C6orf62: variants seen among roughly 807,000 people sequenced by gnomAD.
C6orf62 encodes chromosome 6 open reading frame 62.
In C6orf62, 16 loss-of-function variants were observed where a neutral mutation model predicts 26.8. The ratio of observed to expected loss-of-function variants is 0.60; its 90% CI spans 0.40 to 0.91. The LOEUF is 0.91. Among genes scored for constraint, C6orf62 ranks in the 40% least tolerant of loss-of-function variants. C6orf62 has a pLI of 0.00. For missense variants in C6orf62, 192 were observed against 271.4 expected (o/e 0.71, Z 2.06); for synonymous variants, 112 against 91.5 (o/e 1.22, Z -1.28).
At chr6:24,716,090 G>A in intron 2 of C6orf62, 58 bp downstream of exon 2, 1 of 1,412,562 alleles carries the variant, frequency 7.1e-7, no homozygotes, top group Non-Finnish European at 9.8e-7. Context: ...GGGGGGCGGG[G>A]AAATGCAAGG....
upstream of C6orf62, chr6:24,719,953 T>C (rs1166171198): frequency 1.9e-6 from 3 of 1,550,104 alleles, no homozygotes; most frequent in Non-Finnish European, 1.7e-6. Context: ...AGAGGGTAAA[T>C]GGGAAGGTTC....
chr6:24,719,578 A>G (rs1779310828), upstream of C6orf62: 3 of 1,339,406 alleles, frequency 2.2e-6, no homozygotes, highest in East Asian at 3.2e-5. Flanking sequence ...AAAGGGGTAT[A>G]TAATACGGTA....
At chr6:24,706,785 G>A (rs759638119) in intron 4 of C6orf62, 52 of 154,822 alleles carry the variant, frequency 3.4e-4, no homozygotes, top group Non-Finnish European at 6.9e-4. Context: ...GGTGGCACAC[G>A]CCTGTAGTCC....
chr6:24,718,891 G>A lies in C6orf62; in HGVS notation c.-223C>T. On this transcript the variant is annotated 5_prime_UTR_variant, in exon 1 of 5. Coordinates refer to ENST00000378119, the MANE Select transcript of C6orf62 (RefSeq NM_030939.5). ...AAAAGCTGCTGTCCAGTCATGTTTG[G>A]ACAATAACGTTTGGGGTCAGACGGG... 5.2e-6 allele frequency: 7 copies of A among 1,346,864 alleles called. No individual in the cohort carries two copies. The highest frequency in any genetic ancestry group is 3.5e-5 in the South Asian group (2 of 57,680). 83.4% of individuals were successfully genotyped at this position (1,346,864 alleles called of 1,614,324 possible). A position where few individuals can be genotyped will look rare whatever the true frequency, so the allele number is the denominator to read the frequency against.
upstream of C6orf62, chr6:24,720,191 T>C: frequency 7.4e-7 from 1 of 1,356,852 alleles, no homozygotes; most frequent in Non-Finnish European, 9.4e-7. Context: ...CCCCTCCCTG[T>C]CCCCGCGGAG....
chr6:24,706,211 G>C lies in C6orf62; in HGVS notation c.616C>G (p.Leu206Val). The change falls in exon 5 of 5, where the codon CTG becomes GTG. Residue 206 changes from leucine to valine, a missense_variant. Transcript: ENST00000378119. ...IFKLCSICLY[L>V]PQEQLTHWAV... The stretch of plus-strand genomic sequence containing the variant: ...CAGTGGGTGAGCTGTTCCTGTGGCA[G>C]GTAGAGGCAGATGCTGCATAACTTG... 1 of 1,614,206 alleles carries C rather than the reference G, an allele frequency of 6.2e-7. No individual in the cohort carries two copies. Among genetic ancestry groups the C allele is most frequent in the East Asian group, 2.2e-5 (1 of 44,876 alleles).
chr6:24,709,252 C>T, intron 3 of C6orf62: 1 of 985,340 alleles, frequency 1.0e-6, no homozygotes, highest in Non-Finnish European at 1.2e-6. Context: ...AGCAGTTGAT[C>T]AGGAAATGCT....
chr6:24,720,303 C>G (rs1367857827), upstream of C6orf62: 1 of 1,298,248 alleles, frequency 7.7e-7, no homozygotes, highest in Non-Finnish European at 9.7e-7. Context: ...GCGGCGGGGG[C>G]GCTGCTGGTA....
At chr6:24,716,530 T>C (rs1779234079) in intron 1 of C6orf62, among the ~76,000 whole-genome samples, 1 of 152,208 alleles carries the variant, frequency 6.6e-6, no homozygotes. Flanking sequence ...AAACTGTCAT[T>C]AGAATGTTTA....
upstream of C6orf62, chr6:24,719,767 T>C: frequency 6.5e-7 from 1 of 1,544,596 alleles, no homozygotes. Context: ...TGGCGGGTTC[T>C]TCTCCCAAAT....
rs754899580 is a variant in C6orf62 at position 24,718,656 on chromosome 6, T to C, written c.13A>G (p.Asn5Asp). 1.9e-6 allele frequency: 3 copies of C among 1,613,904 alleles called. No individual in the cohort carries two copies. In the South Asian group the frequency reaches 3.3e-5, roughly 18 times the overall value. Residue 5 changes from asparagine to aspartate, a missense_variant, in exon 1 of 5, where the codon AAC (asparagine) becomes GAC (aspartate). Physicochemically the swap from Asn to Asp is conservative, Grantham distance 23. Coordinates refer to ENST00000378119, the MANE Select transcript of C6orf62 (RefSeq NM_030939.5). Reference sequence around the variant, plus strand: ...TTCAGAGCTTGTTTCTTCCGGGAGTTTGGGTCCCCCATTTTGAAATACAGG... The same window carrying C: ...TTCAGAGCTTGTTTCTTCCGGGAGTCTGGGTCCCCCATTTTGAAATACAGG... MGDP[N>D]SRKKQALNRL...
chr6:24,712,721 G>A (rs2127634285), intron 3 of C6orf62, among the ~76,000 whole-genome samples: 1 of 143,216 alleles, frequency 7.0e-6, no homozygotes, highest in East Asian at 2.1e-4. Context: ...GCTGAAACTA[G>A]TACAGTCAAC....
intron 3 of C6orf62, among the ~76,000 whole-genome samples, chr6:24,712,851 A>T (rs888223442): frequency 1.3e-5 from 2 of 152,228 alleles, no homozygotes; most frequent in Non-Finnish European, 2.9e-5. Context: ...TTGAAAACAT[A>T]CTGTAATAAG....
At position 24,718,835 on chromosome 6, in the gene C6orf62, A is replaced by T. The variant is rs985600604; in HGVS notation, c.-167T>A. 2.0e-6 allele frequency: 3 copies of T among 1,474,686 alleles called. No homozygotes were observed. In the African/African-American group the frequency reaches 4.3e-5, roughly 21 times the overall value. 91.4% of individuals were successfully genotyped at this position (1,474,686 alleles called of 1,614,324 possible). Reference sequence around the variant, plus strand: ...AAAAACTGCACCTTCTGTCAATATTAGCAGACTGTCATATTACAGGGTCAA... The same window carrying T: ...AAAAACTGCACCTTCTGTCAATATTTGCAGACTGTCATATTACAGGGTCAA... On this transcript the variant is annotated 5_prime_UTR_variant, in exon 1 of 5. The change abolishes the stop of an existing upstream ORF in the 5' untranslated region. Coordinates refer to ENST00000378119, the MANE Select transcript of C6orf62 (RefSeq NM_030939.5).
intron 2 of C6orf62, among the ~76,000 whole-genome samples, chr6:24,715,286 G>A (rs1163423748): frequency 6.6e-6 from 1 of 152,036 alleles, no homozygotes; most frequent in African/African-American, 2.4e-5. Flanking sequence ...GTAACTGTGG[G>A]GATCTCTTGG....
At position 24,706,016 on chromosome 6, in the gene C6orf62, T is replaced by G. The variant is rs1476619684; in HGVS notation, c.*121A>C. 1.5e-6 allele frequency: 2 copies of G among 1,346,052 alleles called. No individual in the cohort carries two copies. Among genetic ancestry groups the G allele is most frequent in the Non-Finnish European group, 2.0e-6 (2 of 1,023,624 alleles). The allele number at this position is 1,346,052 out of a possible 1,614,324, so 83.4% of individuals were successfully genotyped here. On this transcript the variant is annotated 3_prime_UTR_variant, in exon 5 of 5. Coordinates refer to ENST00000378119, the MANE Select transcript of C6orf62 (RefSeq NM_030939.5). ...AATCCAGGATGAACAAGTTTCAAAA[T>G]GCATAGTGTTCTGTGCATGAGTCCA...
At chr6:24,709,946 A>C in intron 3 of C6orf62, 1 of 985,464 alleles carries the variant, frequency 1.0e-6, no homozygotes, top group Non-Finnish European at 1.2e-6. Flanking sequence ...ATAACATTGA[A>C]AAACCAAGTT....
At chr6:24,719,977 A>G, upstream of C6orf62, 1 of 1,546,206 alleles carries the variant, frequency 6.5e-7, no homozygotes, top group Non-Finnish European at 8.7e-7. Flanking sequence ...GGGGGAAAAA[A>G]AGAAAATAAT....
rs191952152 is a variant in C6orf62, at chr6:24,709,343, A to G, written c.430-432T>C. The G allele has an allele frequency of 3.4e-4, 333 of 985,342 alleles. 5 individuals are homozygous for G. The Admixed American group carries it at 0.014, about 42-fold the overall frequency. 61.0% of individuals were successfully genotyped at this position (985,342 alleles called of 1,614,324 possible). On this transcript the variant is annotated intron_variant, in intron 3 of 4. Transcript: ENST00000378119. ...ACCTACTCAGTCCAAGACTCCCACCATAGTACTTTAAGCCCCAAGGACATC... is the reference window on the plus strand; with the variant it reads ...ACCTACTCAGTCCAAGACTCCCACCGTAGTACTTTAAGCCCCAAGGACATC...
Sources: allele counts gnomAD v4.1 joint callset (sites outside exome capture counted in the v4.1 genomes callset), GRCh38; gene constraint gnomAD v4.1.1; transcripts MANE v1.5; gene names NCBI Gene and HGNC (gene_info 2026-07-23, HGNC 2026-07-21).